RIMBP2: variants seen among roughly 807,000 people sequenced by gnomAD.
The protein encoded by RIMBP2 is RIMS binding protein 2.
Under a neutral mutation model 118.6 loss-of-function variants are expected in RIMBP2, and 48 were observed. That is an observed-to-expected ratio of 0.40 (90% CI 0.32 to 0.51). The LOEUF is 0.51. Ranked by LOEUF, RIMBP2 falls within the 20% of genes least tolerant of loss-of-function variation. The probability of loss-of-function intolerance (pLI) is 0.41; values close to 1 mark genes in which losing one functional copy is unlikely to be tolerated. For missense variants in RIMBP2, 1,551 were observed against 1,768.3 expected (o/e 0.88, Z 2.20); for synonymous variants, 762 against 742.9 (o/e 1.03, Z -0.42).
At chr12:130,534,302 G>A (rs552796058) in intron 2 of RIMBP2, among the ~76,000 whole-genome samples, 4 of 151,194 alleles carry the variant, frequency 2.6e-5, no homozygotes, top group East Asian at 2.0e-4. Flanking sequence ...TTACTTAATG[G>A]GTATGATGTA....
chr12:130,702,848 C>A (rs1593039191), intron 1 of RIMBP2, among the ~76,000 whole-genome samples: 1 of 152,078 alleles, frequency 6.6e-6, no homozygotes, highest in Non-Finnish European at 1.5e-5. Context: ...CTTGGGGCCG[C>A]TCTTTTCTCA....
chr12:130,522,976 C>T (rs1051115709), intron 2 of RIMBP2, among the ~76,000 whole-genome samples: 7 of 152,102 alleles, frequency 4.6e-5, no homozygotes, highest in Non-Finnish European at 1.0e-4. Context: ...CTCTCTCAGT[C>T]TCACTCTGCC....
intron 2 of RIMBP2, among the ~76,000 whole-genome samples, chr12:130,618,024 T>TTTACAAAAAAAAA (rs71088771): frequency 7.6e-5 from 5 of 65,762 alleles, no homozygotes; most frequent in Admixed American, 3.5e-4. Context: ...AGACCTCTTC[T>TTTACAAAAAAAAA]AAAAAAAAAA....
chr12:130,534,370 T>C (rs1357209412), intron 2 of RIMBP2, among the ~76,000 whole-genome samples: 1 of 151,788 alleles, frequency 6.6e-6, no homozygotes, highest in Non-Finnish European at 1.5e-5. Flanking sequence ...TCCCAGCACT[T>C]TGGGAGGCCG....
At chr12:130,574,777 T>C (rs948054805) in intron 2 of RIMBP2, among the ~76,000 whole-genome samples, 1 of 151,874 alleles carries the variant, frequency 6.6e-6, no homozygotes, top group Non-Finnish European at 1.5e-5. Flanking sequence ...ACCACCTCCT[T>C]GTGCTCTAGG....
intron 4 of RIMBP2, among the ~76,000 whole-genome samples, chr12:130,499,156 T>A (rs1002469210): frequency 1.3e-5 from 2 of 152,158 alleles, no homozygotes; most frequent in African/African-American, 2.4e-5. Context: ...CCAACAGATC[T>A]TGTGAGAACT....
intron 4 of RIMBP2, among the ~76,000 whole-genome samples, chr12:130,504,143 T>C (rs1453048612): frequency 6.6e-6 from 1 of 152,190 alleles, no homozygotes; most frequent in African/African-American, 2.4e-5. Flanking sequence ...CACTGAAAGC[T>C]TTTATATTTG....
rs1566055361 is a variant in RIMBP2, at chr12:130,447,663, T to C, written c.582-2394A>G. ...GGCGGCACACTGCAAGTGGGTGAAC[T>C]GTGCAGTGAGGACCATCTCTCCGTA... On this transcript the variant is annotated intron_variant, in intron 9 of 22. Transcript: ENST00000690449. This position sits in a 1 kb window ranked among gnomAD's most constrained non-coding sequence, Gnocchi z 4.4. 6.6e-6 allele frequency among the ~76,000 whole-genome samples: 1 copy of C among 152,084 alleles called. No homozygotes were observed. Among genetic ancestry groups the C allele is most frequent in the East Asian group, 1.9e-4 (1 of 5,164 alleles).
chr12:130,585,326 G>T (rs994045935), intron 2 of RIMBP2, among the ~76,000 whole-genome samples: 1 of 152,160 alleles, frequency 6.6e-6, no homozygotes, highest in Non-Finnish European at 1.5e-5. Context: ...CCTTTTGGAC[G>T]TTTGGGGAGT....
At chr12:130,612,970 C>T (rs148097356) in intron 2 of RIMBP2, among the ~76,000 whole-genome samples, 1 of 152,072 alleles carries the variant, frequency 6.6e-6, no homozygotes, top group East Asian at 1.9e-4. Context: ...TAGTCTCCAG[C>T]CCCCCGTCAT....
At chr12:130,677,563 G>A (rs758868670) in intron 1 of RIMBP2, among the ~76,000 whole-genome samples, 2 of 152,212 alleles carry the variant, frequency 1.3e-5, no homozygotes, top group Admixed American at 6.5e-5. Flanking sequence ...GGGAGGCAGA[G>A]GCTGCAGTGA....
chr12:130,561,461 C>T (rs998034117), intron 2 of RIMBP2, among the ~76,000 whole-genome samples: 1 of 152,112 alleles, frequency 6.6e-6, no homozygotes, highest in Non-Finnish European at 1.5e-5. Flanking sequence ...CTGACTGATA[C>T]GAGCAAGGTA....
At chr12:130,698,232 T>C (rs932000678) in intron 1 of RIMBP2, among the ~76,000 whole-genome samples, 1 of 152,072 alleles carries the variant, frequency 6.6e-6, no homozygotes, top group African/African-American at 2.4e-5. Context: ...AACCGTGACT[T>C]AGTGAAGCCC....
intron 5 of RIMBP2, among the ~76,000 whole-genome samples, chr12:130,478,325 T>C (rs769204088): frequency 3.3e-5 from 5 of 152,200 alleles, no homozygotes; most frequent in Non-Finnish European, 7.3e-5. Flanking sequence ...TAACACATCA[T>C]GCAACAGCCT....
rs952780519 is a variant in RIMBP2 at position 130,450,572 on chromosome 12, C to G, written c.505-296G>C. Among the ~76,000 whole-genome samples, 1 of 151,992 alleles carries G rather than the reference C, an allele frequency of 6.6e-6. No homozygotes were observed. Among genetic ancestry groups the G allele is most frequent in the Admixed American group, 6.5e-5 (1 of 15,278 alleles). ...CGCCCAGTGTCTCCTACAGCAATCC[C>G]GGGAGTCAGCGGCGTGGCCTTTTCT... On this transcript the variant is annotated intron_variant, in intron 8 of 22. Transcript: ENST00000690449. The surrounding 1 kb of genome is among the most constrained non-coding windows in gnomAD (Gnocchi z 4.8).
At chr12:130,545,399 A>C (rs977981958) in intron 2 of RIMBP2, among the ~76,000 whole-genome samples, 1 of 126,352 alleles carries the variant, frequency 7.9e-6, no homozygotes, top group African/African-American at 3.0e-5. Context: ...ATGTAAAATA[A>C]GGTATTATGA....
At chr12:130,477,755 G>A (rs1374150596) in intron 5 of RIMBP2, among the ~76,000 whole-genome samples, 1 of 152,256 alleles carries the variant, frequency 6.6e-6, no homozygotes, top group African/African-American at 2.4e-5. Flanking sequence ...CAGGCTGGGT[G>A]AATGACTGTG....
intron 1 of RIMBP2, among the ~76,000 whole-genome samples, chr12:130,644,816 G>A (rs895567817): frequency 7.2e-5 from 11 of 152,212 alleles, no homozygotes; most frequent in African/African-American, 2.7e-4. Context: ...CAGAGTCACT[G>A]GGCAAAGCAC....
chr12:130,532,574 C>T (rs1426252759), intron 2 of RIMBP2, among the ~76,000 whole-genome samples: 1 of 144,698 alleles, frequency 6.9e-6, no homozygotes, highest in Non-Finnish European at 1.5e-5. Flanking sequence ...TAATGAGATG[C>T]GTATGTTTAG....
Sources: gnomAD v4.1 joint callset for allele counts (sites outside exome capture counted in the v4.1 genomes callset) on GRCh38, gnomAD v4.1.1 for gene constraint, Gnocchi (gnomAD v3.1) non-coding constraint, MANE v1.5 for transcripts, NCBI Gene and HGNC (gene_info 2026-07-23, HGNC 2026-07-21) for gene names.